The following CD163L1 variants were observed in gnomAD, a reference collection of about 807,000 sequenced individuals.
CD163L1 encodes the protein CD163 molecule like 1, also known as scavenger receptor cysteine-rich type 1 protein M160.
A neutral mutation model predicts 165.4 loss-of-function variants in CD163L1; 124 were observed. That is an observed-to-expected ratio of 0.75 (90% CI 0.65 to 0.87). The LOEUF is 0.87. Ranked by LOEUF, CD163L1 falls within the 40% of genes least tolerant of loss-of-function variation. The pLI, the probability that CD163L1 is intolerant of heterozygous loss-of-function variation, is 0.00. For missense variants in CD163L1, 1,525 were observed against 1,799.9 expected, an observed-to-expected ratio of 0.85 and a Z score of 2.76; for synonymous variants, 585 against 662.2, an observed-to-expected ratio of 0.88 and a Z score of 1.79.
the CD163L1 span, among the ~76,000 whole-genome samples, chr12:7,330,383 C>G: frequency 1.3e-5 from 2 of 152,308 alleles, no homozygotes; most frequent in African/African-American, 4.8e-5. Context: ...TATTCTTAAT[C>G]TAGACAGTTT....
chr12:7,413,688 C>A (rs1565804643), intron 4 of CD163L1, among the ~76,000 whole-genome samples: 1 of 152,214 alleles, frequency 6.6e-6, no homozygotes, highest in Non-Finnish European at 1.5e-5. Flanking sequence ...ATGCAAGATC[C>A]TCAGACGGTG....
At chr12:7,418,994 T>C (rs1202078705) in intron 4 of CD163L1, among the ~76,000 whole-genome samples, 1 of 152,026 alleles carries the variant, frequency 6.6e-6, no homozygotes, top group East Asian at 1.9e-4. Flanking sequence ...TTCCACAAGA[T>C]TCAGAGAGAA....
At chr12:7,425,609 T>C (rs1948527654) in intron 4 of CD163L1, among the ~76,000 whole-genome samples, 1 of 152,134 alleles carries the variant, frequency 6.6e-6, no homozygotes, top group South Asian at 2.1e-4. Context: ...ATCCAGAATC[T>C]ATAAGGAACT....
intron 4 of CD163L1, among the ~76,000 whole-genome samples, chr12:7,410,999 G>A (rs931854890): frequency 1.3e-5 from 2 of 151,380 alleles, no homozygotes; most frequent in Non-Finnish European, 2.9e-5. Flanking sequence ...TGGTAAAATA[G>A]CTGGAAACTA....
At chr12:7,409,931 G>C (rs1362903550) in intron 4 of CD163L1, among the ~76,000 whole-genome samples, 3 of 152,018 alleles carry the variant, frequency 2.0e-5, no homozygotes, top group Non-Finnish European at 2.9e-5. Context: ...AGGAAAAAAA[G>C]ACACAATCAA....
chr12:7,359,135 A>C (rs1946840070), intron 18 of CD163L1, among the ~76,000 whole-genome samples: 1 of 152,154 alleles, frequency 6.6e-6, no homozygotes, highest in Non-Finnish European at 1.5e-5. Flanking sequence ...ATACAATAGG[A>C]ATGCTAGAAG....
rs907698939 is a variant in CD163L1, at chr12:7,410,700, C to T, written c.767-3848G>A. 5.0e-4 allele frequency among the ~76,000 whole-genome samples: 63 copies of T among 126,960 alleles called. 1 individual carries two copies. Among genetic ancestry groups the T allele is most frequent in the African/African-American group, 1.8e-3 (59 of 32,904 alleles). The allele number at this position is 126,960 out of a possible 152,430, so 83.3% of individuals were successfully genotyped here. On this transcript the variant is annotated intron_variant, in intron 4 of 19. Coordinates refer to ENST00000313599, the MANE Select transcript of CD163L1 (RefSeq NM_174941.6). ...CAAAAATTAGCTGGGCATGATGGCA[C>T]GTGCCTGTAGTCCCAGCTACTCGGG...
rs148704233 is a variant in CD163L1 at position 7,356,272 on chromosome 12, A to G, written c.*24+1108T>C. On this transcript the variant is annotated intron_variant, in intron 19 of 19. Coordinates refer to ENST00000313599, the MANE Select transcript of CD163L1 (RefSeq NM_174941.6). ...TATAAAGAGGAAAAAGGCTTCAATC[A>G]TAAATATAAGTCTTGGTATTAGAAG... Among the ~76,000 whole-genome samples, 1,398 of 152,236 alleles carry G rather than the reference A, an allele frequency of 9.2e-3. 19 individuals are homozygous for G. The highest frequency in any genetic ancestry group is 0.033 in the African/African-American group (1,361 of 41,552).
At chr12:7,331,420 G>A in the CD163L1 span, among the ~76,000 whole-genome samples, 5 of 152,232 alleles carry the variant, frequency 3.3e-5, no homozygotes, top group Non-Finnish European at 4.4e-5. Context: ...CTGTCTGACA[G>A]CTTTGAAGAG....
intron 14 of CD163L1, among the ~76,000 whole-genome samples, chr12:7,371,103 C>T (rs3905298): frequency 0.59 from 89,718 of 151,988 alleles, 28,774 homozygotes; most frequent in Non-Finnish European, 0.74. Flanking sequence ...CCATGTAAGA[C>T]GTGACTTTGC....
chr12:7,351,916 C>T (rs1946708937), downstream of CD163L1, among the ~76,000 whole-genome samples: 1 of 151,918 alleles, frequency 6.6e-6, no homozygotes, highest in African/African-American at 2.4e-5. Flanking sequence ...TATGCATCAA[C>T]ATAAATAATG....
At chr12:7,353,917 C>T (rs956136304), downstream of CD163L1, among the ~76,000 whole-genome samples, 17 of 152,014 alleles carry the variant, frequency 1.1e-4, no homozygotes, top group East Asian at 1.2e-3. Flanking sequence ...AAATTTTAAT[C>T]GTTAAACTCT....
At chr12:7,325,024 A>G in the CD163L1 span, among the ~76,000 whole-genome samples, 1 of 152,052 alleles carries the variant, frequency 6.6e-6, no homozygotes, top group Non-Finnish European at 1.5e-5. Context: ...CACCTTAGCA[A>G]CCCTCCACCC....
intron 4 of CD163L1, among the ~76,000 whole-genome samples, chr12:7,407,194 G>C (rs917957466): frequency 1.3e-5 from 2 of 152,150 alleles, no homozygotes; most frequent in Non-Finnish European, 2.9e-5. Context: ...TGCTGGCTCT[G>C]AGTCTAGCCA....
At chr12:7,403,261 G>A (rs543433844) in intron 6 of CD163L1, among the ~76,000 whole-genome samples, 1 of 152,122 alleles carries the variant, frequency 6.6e-6, no homozygotes, top group Non-Finnish European at 1.5e-5. Context: ...CAACTCATTA[G>A]TTTTCTATGA....
chr12:7,356,629 G>C (rs1197354571), intron 19 of CD163L1, among the ~76,000 whole-genome samples: 1 of 152,074 alleles, frequency 6.6e-6, no homozygotes, highest in Non-Finnish European at 1.5e-5. Flanking sequence ...ATTAAAAAGT[G>C]TTTTCAACAT....
chr12:7,328,353 CAAG>C, the CD163L1 span: 1 of 1,591,640 alleles, frequency 6.3e-7, no homozygotes, highest in South Asian at 1.1e-5. Context: ...TTTAAGAGAC[CAAG>C]AATGGAGAGG....
chr12:7,396,041 T>C (rs750207274), intron 8 of CD163L1, 54 bp downstream of exon 8: 3 of 1,436,266 alleles, frequency 2.1e-6, no homozygotes, highest in African/African-American at 2.8e-5. Flanking sequence ...AAAGAAGGTA[T>C]GTTAGAGAAC....
Position 7,433,339 on chromosome 12 carries a change from C to G in CD163L1, c.445+35G>C, listed in dbSNP as rs778298064. 5 of 1,545,458 alleles carry G rather than the reference C, an allele frequency of 3.2e-6. No individual in the cohort carries two copies. The African/African-American group carries it at 5.5e-5, about 17-fold the overall frequency. On this transcript the variant is annotated intron_variant, in intron 3 of 19. Coordinates refer to ENST00000313599, the MANE Select transcript of CD163L1 (RefSeq NM_174941.6). Reference sequence around the variant, plus strand: ...CAGCAGATGATTCCTGAGGGTAGGTCTTACCTTGCCTTCCTACTCTAGTTA... The same window carrying G: ...CAGCAGATGATTCCTGAGGGTAGGTGTTACCTTGCCTTCCTACTCTAGTTA...
Sources: allele counts gnomAD v4.1 joint callset (sites outside exome capture counted in the v4.1 genomes callset), GRCh38; gene constraint gnomAD v4.1.1; transcripts MANE v1.5; gene names NCBI Gene and HGNC (gene_info 2026-07-23, HGNC 2026-07-21).